The following RANBP2 variants were observed in gnomAD, a reference collection of about 807,000 sequenced individuals.
RANBP2 encodes the protein E3 SUMO-protein ligase RanBP2.
RANBP2 carries 57 observed loss-of-function variants against 303.6 expected under a neutral mutation model. The ratio of observed to expected loss-of-function variants is 0.19; its 90% CI spans 0.15 to 0.23. The LOEUF is 0.23. Among genes scored for constraint, RANBP2 ranks in the 10% least tolerant of loss-of-function variants. RANBP2 has a pLI of 1.00. For missense variants in RANBP2, 3,138 were observed against 3,780.8 expected (o/e 0.83, Z 4.46); for synonymous variants, 1,167 against 1,301.5 (o/e 0.90, Z 2.23).
chr2:109,089,973 G>T, the RANBP2 span, among the ~76,000 whole-genome samples: 3 of 152,020 alleles, frequency 2.0e-5, no homozygotes, highest in South Asian at 2.1e-4. Context: ...CAAACTGGCA[G>T]TTCAAATTAT....
At chr2:109,120,574 T>A in the RANBP2 span, among the ~76,000 whole-genome samples, 6 of 149,786 alleles carry the variant, frequency 4.0e-5, no homozygotes, top group African/African-American at 9.8e-5. Context: ...TGACCTTTCC[T>A]TCCAGTTCAC....
chr2:109,544,441 A>C, the RANBP2 span: 2 of 1,414,710 alleles, frequency 1.4e-6, no homozygotes, highest in East Asian at 4.9e-5. Context: ...GAAAAAGAAA[A>C]GAAAAAACCA....
At chr2:108,930,126 G>A in the RANBP2 span, 4 of 1,613,552 alleles carry the variant, frequency 2.5e-6, no homozygotes, top group Non-Finnish European at 3.4e-6. Flanking sequence ...TTACCAGGTA[G>A]GGCTCCTCTC....
chr2:109,324,076 G>A, the RANBP2 span, among the ~76,000 whole-genome samples: 3 of 152,156 alleles, frequency 2.0e-5, no homozygotes, highest in African/African-American at 7.2e-5. Flanking sequence ...GGCCTTTTGT[G>A]TCTTACTTCT....
the RANBP2 span, among the ~76,000 whole-genome samples, chr2:109,702,804 C>T: frequency 6.9e-6 from 1 of 144,874 alleles, no homozygotes; most frequent in South Asian, 2.2e-4. Flanking sequence ...CTGAATCAGT[C>T]TTTTTTTTTT....
At chr2:109,181,508 AAC>A in the RANBP2 span, among the ~76,000 whole-genome samples, 8 of 152,186 alleles carry the variant, frequency 5.3e-5, no homozygotes, top group Non-Finnish European at 1.0e-4. Context: ...CACACTAACA[AAC>A]ACAGCAGAAA....
chr2:108,866,620 C>T, the RANBP2 span, among the ~76,000 whole-genome samples: 1 of 152,210 alleles, frequency 6.6e-6, no homozygotes, highest in African/African-American at 2.4e-5. Flanking sequence ...CATGGTGGCT[C>T]ATGCCTGTAA....
the RANBP2 span, among the ~76,000 whole-genome samples, chr2:109,392,301 C>T: frequency 1.3e-5 from 2 of 152,184 alleles, no homozygotes; most frequent in Non-Finnish European, 2.9e-5. Flanking sequence ...TTCAATGAGA[C>T]ATCTCAGAAA....
chr2:109,519,671 T>G, the RANBP2 span, among the ~76,000 whole-genome samples: 1 of 152,160 alleles, frequency 6.6e-6, no homozygotes, highest in Non-Finnish European at 1.5e-5. Context: ...AAACCACATA[T>G]GTCACTCGGC....
the RANBP2 span, among the ~76,000 whole-genome samples, chr2:109,224,162 G>C: frequency 6.6e-6 from 1 of 152,226 alleles, no homozygotes; most frequent in Non-Finnish European, 1.5e-5. Flanking sequence ...GGCAGGCCTA[G>C]AGAGTGTGTG....
chr2:109,592,863 T>C, the RANBP2 span, among the ~76,000 whole-genome samples: 1 of 152,160 alleles, frequency 6.6e-6, no homozygotes, highest in South Asian at 2.1e-4. Context: ...TTAAGAATAT[T>C]GTGGATACTC....
the RANBP2 span, among the ~76,000 whole-genome samples, chr2:109,416,904 CAAAAAA>C: frequency 1.6e-5 from 1 of 64,358 alleles, no homozygotes; most frequent in African/African-American, 5.0e-5. Context: ...GACTTCATCT[CAAAAAA>C]AAAAAAAAAA....
chr2:108,791,725 A>C, the RANBP2 span: 3 of 1,606,668 alleles, frequency 1.9e-6, no homozygotes, highest in Non-Finnish European at 8.5e-7. Flanking sequence ...CAGGAAACAG[A>C]AGAAGAGTTA....
At chr2:109,430,493 C>T in the RANBP2 span, among the ~76,000 whole-genome samples, 1 of 151,898 alleles carries the variant, frequency 6.6e-6, no homozygotes, top group South Asian at 2.1e-4. Context: ...TCTCCCCGTC[C>T]TCTCCCATCC....
the RANBP2 span, chr2:108,804,868 G>GTTTT: frequency 7.4e-7 from 1 of 1,359,604 alleles, no homozygotes. Flanking sequence ...TTAGATGAGA[G>GTTTT]TTTTTTTTTT....
the RANBP2 span, among the ~76,000 whole-genome samples, chr2:108,862,901 A>G: frequency 1.3e-5 from 2 of 151,888 alleles, no homozygotes; most frequent in Non-Finnish European, 2.9e-5. Flanking sequence ...AAATATTACA[A>G]GGACATACTT....
At chr2:109,210,313 A>G in the RANBP2 span, among the ~76,000 whole-genome samples, 1 of 152,218 alleles carries the variant, frequency 6.6e-6, no homozygotes, top group Non-Finnish European at 1.5e-5. Context: ...TTTTTTGAGT[A>G]TAGACCTAAA....
the RANBP2 span, among the ~76,000 whole-genome samples, chr2:109,514,166 T>G: frequency 2.0e-5 from 3 of 152,202 alleles, no homozygotes; most frequent in Admixed American, 2.0e-4. Context: ...AAACTCAGCA[T>G]CAAGCTAGCC....
chr2:108,929,324 T>C, the RANBP2 span: 1 of 1,614,130 alleles, frequency 6.2e-7, no homozygotes, highest in Non-Finnish European at 8.5e-7. Flanking sequence ...GGAAAACTTC[T>C]CCGCCGGGCA....
Sources: gnomAD v4.1 joint callset for allele counts (sites outside exome capture counted in the v4.1 genomes callset) on GRCh38, gnomAD v4.1.1 for gene constraint, MANE v1.5 for transcripts, NCBI Gene and HGNC (gene_info 2026-07-23, HGNC 2026-07-21) for gene names.